NEK6: variants seen among roughly 807,000 people sequenced by gnomAD.
NEK6 encodes the protein serine/threonine-protein kinase Nek6.
In NEK6, 27 loss-of-function variants were observed where a neutral mutation model predicts 43.5. That is an observed-to-expected ratio of 0.62 (90% CI 0.46 to 0.86). NEK6 has a LOEUF of 0.86. Ranked by LOEUF, NEK6 falls within the 40% of genes least tolerant of loss-of-function variation. The pLI, the probability that NEK6 is intolerant of heterozygous loss-of-function variation, is 0.00. For missense variants in NEK6, 318 were observed against 414.4 expected, an observed-to-expected ratio of 0.77 and a Z score of 2.02; for synonymous variants, 167 against 164.1, an observed-to-expected ratio of 1.02 and a Z score of -0.14.
At chr9:124,263,412 C>T (rs56001443) in intron 1 of NEK6, among the ~76,000 whole-genome samples, 20,110 of 152,204 alleles carry the variant, frequency 0.13, 1,532 homozygotes, top group Non-Finnish European at 0.17. Context: ...CCAGACCTGC[C>T]TCTCATGAGC....
intron 1 of NEK6, among the ~76,000 whole-genome samples, chr9:124,259,055 A>G (rs763468217): frequency 3.0e-4 from 46 of 152,164 alleles, no homozygotes; most frequent in Non-Finnish European, 5.4e-4. Context: ...TACCTCTCCT[A>G]GGCTCCAAGT....
At chr9:124,336,644 C>G (rs1360573291) in intron 7 of NEK6, among the ~76,000 whole-genome samples, 3 of 152,176 alleles carry the variant, frequency 2.0e-5, no homozygotes, top group African/African-American at 7.2e-5. Context: ...CTGGTGAGGA[C>G]AGCAGCAGCC....
chr9:124,293,739 CTGGGTGGCCCTCTTTT>C (rs1461381208), intron 1 of NEK6, among the ~76,000 whole-genome samples: 1 of 152,210 alleles, frequency 6.6e-6, no homozygotes, highest in Admixed American at 6.5e-5. Context: ...CCAACGCCCC[CTGGGTGGCCCTCTTTT>C]CACCGGGCCT....
intron 1 of NEK6, among the ~76,000 whole-genome samples, chr9:124,298,333 A>G (rs1305500116): frequency 6.7e-6 from 1 of 149,790 alleles, no homozygotes; most frequent in African/African-American, 2.5e-5. Flanking sequence ...GAACATCAAC[A>G]CCTGCCGGCT....
intron 1 of NEK6, among the ~76,000 whole-genome samples, chr9:124,268,853 C>A (rs1201506099): frequency 2.6e-5 from 4 of 152,212 alleles, no homozygotes; most frequent in Non-Finnish European, 1.5e-5. Context: ...AACTGCAGCA[C>A]ATCAGTGCTA....
At chr9:124,323,416 T>G (rs938129933) in intron 5 of NEK6, among the ~76,000 whole-genome samples, 1 of 152,116 alleles carries the variant, frequency 6.6e-6, no homozygotes, top group African/African-American at 2.4e-5. Context: ...TTCCTAAGAT[T>G]CATGGCGGTG....
intron 1 of NEK6, among the ~76,000 whole-genome samples, chr9:124,278,709 A>G (rs1264422794): frequency 6.6e-6 from 1 of 152,188 alleles, no homozygotes; most frequent in East Asian, 1.9e-4. Flanking sequence ...CGGCTGGATG[A>G]CTTCATGTAT....
chr9:124,267,564 A>G (rs531484945), intron 1 of NEK6, among the ~76,000 whole-genome samples: 68 of 152,272 alleles, frequency 4.5e-4, no homozygotes, highest in African/African-American at 1.5e-3. Context: ...CAAGTGTGGG[A>G]GCCGCCTGCT....
At chr9:124,349,150 C>A (rs181938519) in intron 9 of NEK6, among the ~76,000 whole-genome samples, 1 of 152,240 alleles carries the variant, frequency 6.6e-6, no homozygotes, top group African/African-American at 2.4e-5. Flanking sequence ...GCTCGAGTGT[C>A]GGGCGCTGCA....
At chr9:124,310,245 A>G (rs1833461919) in intron 2 of NEK6, among the ~76,000 whole-genome samples, 1 of 152,186 alleles carries the variant, frequency 6.6e-6, no homozygotes, top group South Asian at 2.1e-4. Flanking sequence ...AGTGAGGCCC[A>G]CTCACAGGGT....
At chr9:124,300,797 G>GC (rs55884162) in intron 1 of NEK6, among the ~76,000 whole-genome samples, 25,135 of 151,808 alleles carry the variant, frequency 0.17, 2,401 homozygotes, top group African/African-American at 0.27. Context: ...GCCACCGCAG[G>GC]GGAGGGGGCT....
intron 5 of NEK6, 118 bp downstream of exon 5, chr9:124,321,687 G>A: frequency 1.5e-6 from 1 of 680,392 alleles, no homozygotes; most frequent in South Asian, 1.8e-5. Flanking sequence ...GGCCACCCGG[G>A]GACCCTGGGC....
chr9:124,262,123 G>C (rs1831056155), intron 1 of NEK6, among the ~76,000 whole-genome samples: 1 of 152,086 alleles, frequency 6.6e-6, no homozygotes, highest in Non-Finnish European at 1.5e-5. Flanking sequence ...AAATGAGCAG[G>C]CACTGTTGAG....
chr9:124,283,322 C>A (rs1212228374), intron 1 of NEK6, among the ~76,000 whole-genome samples: 1 of 152,222 alleles, frequency 6.6e-6, no homozygotes, highest in African/African-American at 2.4e-5. Flanking sequence ...GCGACGGAGC[C>A]TCAGTGGGGC....
At chr9:124,300,734 C>T (rs897824270) in intron 1 of NEK6, among the ~76,000 whole-genome samples, 3 of 152,146 alleles carry the variant, frequency 2.0e-5, no homozygotes, top group African/African-American at 2.4e-5. Flanking sequence ...TGGAGGGCCC[C>T]GACCTGAGAC....
At chr9:124,336,087 A>C (rs1440186044) in intron 7 of NEK6, among the ~76,000 whole-genome samples, 2 of 152,048 alleles carry the variant, frequency 1.3e-5, no homozygotes, top group African/African-American at 4.8e-5. Flanking sequence ...AAAATACAAA[A>C]ATTAGCCAGG....
chr9:124,288,291 G>A (rs1385701222), intron 1 of NEK6, among the ~76,000 whole-genome samples: 1 of 152,134 alleles, frequency 6.6e-6, no homozygotes, highest in African/African-American at 2.4e-5. Flanking sequence ...GATTGAGACA[G>A]AGTCTCACTC....
chr9:124,326,202 T>TTCCCCCCCCCCCCCCCCCCCCC lies in NEK6; in HGVS notation c.406-128_406-127insTCCCCCCCCCCCCCCCCCCCCC. 1.6e-5 allele frequency: 2 copies of TTCCCCCCCCCCCCCCCCCCCCC among 124,052 alleles called. No homozygotes were observed. Among genetic ancestry groups the TTCCCCCCCCCCCCCCCCCCCCC allele is most frequent in the Non-Finnish European group, 4.0e-5 (2 of 50,618 alleles). The allele number at this position is 124,052 out of a possible 1,614,324, so 7.7% of individuals were successfully genotyped here. ...GCTTATTGTTTGCTCAGTGGCTCAA[T>TTCCCCCCCCCCCCCCCCCCCCC]CCCCCCCCCCCGCCCCTGCCAGGCA... On this transcript the variant is annotated intron_variant, in intron 5 of 9. Coordinates refer to ENST00000320246, the MANE Select transcript of NEK6 (RefSeq NM_014397.6). The surrounding 1 kb of genome is among the most constrained non-coding windows in gnomAD (Gnocchi z 4.5).
At chr9:124,260,825 A>G (rs962666835) in intron 1 of NEK6, among the ~76,000 whole-genome samples, 1 of 152,224 alleles carries the variant, frequency 6.6e-6, no homozygotes, top group Non-Finnish European at 1.5e-5. Context: ...ACTGGGGCAC[A>G]GAGAGATGAG....
Sources: allele counts gnomAD v4.1 joint callset (sites outside exome capture counted in the v4.1 genomes callset), GRCh38; gene constraint gnomAD v4.1.1; non-coding constraint Gnocchi (gnomAD v3.1); transcripts MANE v1.5; gene names NCBI Gene and HGNC (gene_info 2026-07-23, HGNC 2026-07-21).